The following KIF26A variants were observed in gnomAD, a reference collection of about 807,000 sequenced individuals.
KIF26A encodes kinesin family member 26A.
KIF26A carries 74 observed loss-of-function variants against 126.0 expected under a neutral mutation model. The observed-to-expected ratio is 0.59, with a 90% CI of 0.49 to 0.71. The LOEUF (loss-of-function observed/expected upper bound fraction) is 0.71, where lower values mean the gene tolerates loss of function less well. KIF26A is among the 30% of genes least tolerant of loss of function. KIF26A has a pLI of 0.00. For synonymous variants in KIF26A, 1,445 were observed against 1,232.7 expected (o/e 1.17, Z -3.61); for missense variants, 2,984 against 2,763.3 (o/e 1.08, Z -1.79).
intron 4 of KIF26A, among the ~76,000 whole-genome samples, chr14:104,161,883 A>G (rs1488207894): frequency 6.6e-6 from 1 of 151,910 alleles, no homozygotes; most frequent in African/African-American, 2.4e-5. Flanking sequence ...TCAGAGTCAA[A>G]CCCCTCAGAC....
At position 104,178,751 on chromosome 14, in the gene KIF26A, C is replaced by A; in HGVS notation, c.5312C>A (p.Thr1771Asn). 6.6e-7 allele frequency: 1 copy of A among 1,512,682 alleles called. No individual in the cohort carries two copies. The highest frequency in any genetic ancestry group is 8.9e-7 in the Non-Finnish European group (1 of 1,118,394). 93.7% of individuals were successfully genotyped at this position (1,512,682 alleles called of 1,614,324 possible). A position where few individuals can be genotyped will look rare whatever the true frequency, so the allele number is the denominator to read the frequency against. The change falls in exon 13 of 15, where the codon ACC (threonine) becomes AAC (asparagine). Residue 1771 changes from threonine (T) to asparagine (N), a missense_variant. Thr to Asn is a moderately conservative substitution (Grantham distance 65, BLOSUM62 0). Coordinates refer to ENST00000423312, the MANE Select transcript of KIF26A (RefSeq NM_015656.2). ...RPRPTPREAP[T>N]QGLACVSTRL... is the part of the protein sequence containing the mutation. Reference sequence around the variant, plus strand: ...CGCCCCACCCCGAGGGAGGCCCCCACCCAGGTAGGGCCTTTGGTGGGCTGG... The same window carrying A: ...CGCCCCACCCCGAGGGAGGCCCCCAACCAGGTAGGGCCTTTGGTGGGCTGG...
chr14:104,155,030 C>T (rs937729599), intron 3 of KIF26A, among the ~76,000 whole-genome samples: 1 of 152,146 alleles, frequency 6.6e-6, no homozygotes, highest in Non-Finnish European at 1.5e-5. Flanking sequence ...CTTTGAGTGA[C>T]GAGGCTGGAG....
At chr14:104,165,515 GTAT>G (rs2037882702) in intron 4 of KIF26A, among the ~76,000 whole-genome samples, 1 of 109,014 alleles carries the variant, frequency 9.2e-6, no homozygotes, top group African/African-American at 4.4e-5. Context: ...GTGTGTCTCT[GTAT>G]GCATGTGTGT....
At position 104,179,218 on chromosome 14, in the gene KIF26A, G is replaced by A. The variant is rs375300003; in HGVS notation, c.5317-18G>A. ...GAGAGGGTCCCATGCCTGAGCCCCC[G>A]CCCGCCCTGCCTCCCAGGGTCTGGC... is the stretch of plus-strand genomic sequence containing the variant. On this transcript the variant is annotated intron_variant, in intron 13 of 14. Transcript: ENST00000423312. 284 of 1,448,750 alleles carry A rather than the reference G, an allele frequency of 2.0e-4. 1 individual carries two copies. Among genetic ancestry groups the A allele is most frequent in the East Asian group, 5.8e-4 (22 of 38,084 alleles). The allele number at this position is 1,448,750 out of a possible 1,614,324, so 89.7% of individuals were successfully genotyped here.
At position 104,175,746 on chromosome 14, in the gene KIF26A, GC is replaced by G; in HGVS notation, c.2959del (p.Gln987ArgfsTer32). 1 of 1,548,312 alleles carries G rather than the reference GC, an allele frequency of 6.5e-7. No individual in the cohort carries two copies. The highest frequency in any genetic ancestry group is 8.7e-7 in the Non-Finnish European group (1 of 1,149,044). On this transcript the variant is annotated frameshift_variant, in exon 12 of 15. Coordinates refer to ENST00000423312, the MANE Select transcript of KIF26A (RefSeq NM_015656.2). LOFTEE classifies it high-confidence loss of function. ...ARTPPVGMSG[Q>X]VAGSPMLPGA... ...GGACCCCTCCCGTGGGCATGAGTGGGCAGGTGGCTGGGTCCCCGATGCTTCC... is the reference window on the plus strand; with the variant it reads ...GGACCCCTCCCGTGGGCATGAGTGGGAGGTGGCTGGGTCCCCGATGCTTCC...
chr14:104,147,685 C>G (rs972348431), intron 2 of KIF26A, among the ~76,000 whole-genome samples: 9 of 152,248 alleles, frequency 5.9e-5, no homozygotes, highest in African/African-American at 2.2e-4. Context: ...TGCTGCCTGG[C>G]CGGGGGTCCC....
At position 104,176,932 on chromosome 14, in the gene KIF26A, C is replaced by A; in HGVS notation, c.4144C>A (p.Pro1382Thr). 5 of 1,536,516 alleles carry A rather than the reference C, an allele frequency of 3.3e-6. No homozygotes were observed. Among genetic ancestry groups the A allele is most frequent in the Non-Finnish European group, 4.4e-6 (5 of 1,145,908 alleles). Residue 1382 changes from proline (P) to threonine (T), a missense_variant, in exon 12 of 15, where the codon CCG becomes ACG. Coordinates refer to ENST00000423312, the MANE Select transcript of KIF26A (RefSeq NM_015656.2). ...GAGGAGCAGCCCGGCCTCGGCCCCT[C>A]CGCATGCTGTGAACCCGGCGCGGGT... ...EQRSSPASAP[P>T]HAVNPARVGA...
At position 104,166,979 on chromosome 14, in the gene KIF26A, GC is replaced by G; in HGVS notation, c.1049del (p.Pro350ArgfsTer23). The G allele has an allele frequency of 6.3e-7, 1 of 1,582,420 alleles. No individual in the cohort carries two copies. The highest frequency in any genetic ancestry group is 8.6e-7 in the Non-Finnish European group (1 of 1,165,376). On this transcript the variant is annotated frameshift_variant, in exon 5 of 15. Transcript: ENST00000423312. LOFTEE classifies it high-confidence loss of function. ...TCAGCGGGGTCCTGCAGCTGTGGCC[GC>G]CCCCGGCGCCCCCCTGCCTGCTCAG... is the stretch of plus-strand genomic sequence containing the variant. ...DFSGVLQLWP[P>X]PAPPCLLRAA... is the part of the protein sequence containing the mutation.
intron 13 of KIF26A, among the ~76,000 whole-genome samples, chr14:104,179,027 G>A (rs1194817321): frequency 2.6e-5 from 4 of 152,150 alleles, no homozygotes; most frequent in Non-Finnish European, 5.9e-5. Flanking sequence ...ATTCTCCCCT[G>A]TCGTGGGGAG....
intron 4 of KIF26A, among the ~76,000 whole-genome samples, chr14:104,160,530 T>G (rs1348402212): frequency 1.3e-5 from 2 of 152,164 alleles, no homozygotes; most frequent in Non-Finnish European, 2.9e-5. Flanking sequence ...CTGGGGAAGC[T>G]GCAGGGATTG....
At chr14:104,157,731 T>C in intron 3 of KIF26A, 24 bp from the exon 4 acceptor site, 1 of 1,606,156 alleles carries the variant, frequency 6.2e-7, no homozygotes, top group African/African-American at 1.3e-5. Flanking sequence ...GCGTTCCTTA[T>C]ACGCACTCTC....
chr14:104,171,616 G>C (rs1467919879), intron 5 of KIF26A, 107 bp from the exon 6 acceptor site: 1 of 931,104 alleles, frequency 1.1e-6, no homozygotes, highest in African/African-American at 1.6e-5. Context: ...GGGTGCCAGT[G>C]TGAGGCCTGG....
chr14:104,174,368 G>C, intron 11 of KIF26A, 58 bp downstream of exon 11: 1 of 1,438,956 alleles, frequency 6.9e-7, no homozygotes, highest in Non-Finnish European at 9.2e-7. Context: ...TGTGTCCACT[G>C]CAGGCCTCTG....
intron 4 of KIF26A, among the ~76,000 whole-genome samples, chr14:104,158,540 T>C (rs2037804711): frequency 1.3e-5 from 2 of 152,162 alleles, no homozygotes; most frequent in Admixed American, 1.3e-4. Context: ...ACCAGGAGCA[T>C]CCCACATTGG....
rs1413564792 is a variant in KIF26A at position 104,151,167 on chromosome 14, C to G, written c.289-848C>G. 6.6e-6 allele frequency among the ~76,000 whole-genome samples: 1 copy of G among 152,210 alleles called. No individual in the cohort carries two copies. The highest frequency in any genetic ancestry group is 2.4e-5 in the African/African-American group (1 of 41,454). ...CTCCTTCTTGCTCCTCCTCCTCTTC[C>G]TGGAAGATGTCACTGCCTCCAGGAA... On this transcript the variant is annotated intron_variant, in intron 2 of 14. Transcript: ENST00000423312. This position sits in a 1 kb window ranked among gnomAD's most constrained non-coding sequence, Gnocchi z 4.9.
intron 13 of KIF26A, 68 bp downstream of exon 13, chr14:104,178,823 C>A: frequency 2.2e-6 from 2 of 918,934 alleles, no homozygotes; most frequent in Non-Finnish European, 3.2e-6. Flanking sequence ...GCAGAGTGAG[C>A]CATTTGATGG....
chr14:104,171,433 G>A (rs1009450596), intron 5 of KIF26A, among the ~76,000 whole-genome samples: 1 of 152,114 alleles, frequency 6.6e-6, no homozygotes, highest in African/African-American at 2.4e-5. Context: ...CTCTTCTCAC[G>A]GAGGCGCCCG....
rs549366870 is a variant in KIF26A at position 104,171,305 on chromosome 14, C to T, written c.1114-418C>T. 2.6e-5 allele frequency among the ~76,000 whole-genome samples: 4 copies of T among 152,312 alleles called. No individual in the cohort carries two copies. In the South Asian group the frequency reaches 8.3e-4, roughly 32 times the overall value. On this transcript the variant is annotated intron_variant, in intron 5 of 14. Transcript: ENST00000423312. ...TCTGTGGGGCAGTTCATTCCCTTAT[C>T]TTGCAAGTGCTCCCCCTCAGCCTGG...
chr14:104,166,511 C>A (rs1454278192), intron 4 of KIF26A, among the ~76,000 whole-genome samples: 1 of 152,134 alleles, frequency 6.6e-6, no homozygotes, highest in Non-Finnish European at 1.5e-5. Context: ...CACTGTCCGA[C>A]CCCCGGCAGC....
Sources: allele counts gnomAD v4.1 joint callset (sites outside exome capture counted in the v4.1 genomes callset), GRCh38; gene constraint gnomAD v4.1.1; non-coding constraint Gnocchi (gnomAD v3.1); transcripts MANE v1.5; gene names NCBI Gene and HGNC (gene_info 2026-07-23, HGNC 2026-07-21).